CSMD1: variants seen among roughly 807,000 people sequenced by gnomAD.
CSMD1 encodes the protein CUB and sushi domain-containing protein 1.
Under a neutral mutation model 417.5 loss-of-function variants are expected in CSMD1, and 213 were observed. That is an observed-to-expected ratio of 0.51 (90% CI 0.46 to 0.57). CSMD1 has a LOEUF of 0.57. Ranked by LOEUF, CSMD1 falls within the 20% of genes least tolerant of loss-of-function variation. The pLI, the probability that CSMD1 is intolerant of heterozygous loss-of-function variation, is 0.00. For synonymous variants in CSMD1, 2,862 were observed against 1,736.8 expected, an observed-to-expected ratio of 1.65 and a Z score of -16.11; for missense variants, 6,923 against 4,529.7, an observed-to-expected ratio of 1.53 and a Z score of -15.17.
intron 18 of CSMD1, among the ~76,000 whole-genome samples, chr8:3,378,093 G>T (rs1028756717): frequency 2.6e-5 from 4 of 152,252 alleles, no homozygotes; most frequent in Middle Eastern, 3.4e-3. Context: ...ATTGAATATT[G>T]GATGTGTTTG....
At chr8:3,239,047 C>A (rs969799366) in intron 26 of CSMD1, among the ~76,000 whole-genome samples, 1 of 152,114 alleles carries the variant, frequency 6.6e-6, no homozygotes, top group South Asian at 2.1e-4. Flanking sequence ...AACATCTATA[C>A]AGGAGTTTAA....
chr8:4,872,504 G>A lies in CSMD1; in HGVS notation c.85+121828C>T, dbSNP rs957046823. 7.2e-5 allele frequency among the ~76,000 whole-genome samples: 11 copies of A among 151,948 alleles called. 1 individual carries two copies. The highest frequency in any genetic ancestry group is 2.4e-4 in the African/African-American group (10 of 41,294). On this transcript the variant is annotated intron_variant, in intron 1 of 69. Transcript: ENST00000635120. ...CTGCCGCCTTCTGAAGAAGGCACCT[G>A]GTTCCCTTTCACCTTCCACCATCAT...
At chr8:3,586,663 G>C (rs1006585224) in intron 8 of CSMD1, among the ~76,000 whole-genome samples, 1 of 152,086 alleles carries the variant, frequency 6.6e-6, no homozygotes, top group Admixed American at 6.5e-5. Context: ...AAAACAAGAA[G>C]TAAAAAAGTC....
At chr8:4,870,746 G>T (rs1189582486) in intron 1 of CSMD1, among the ~76,000 whole-genome samples, 1 of 152,152 alleles carries the variant, frequency 6.6e-6, no homozygotes, top group Non-Finnish European at 1.5e-5. Flanking sequence ...TTAACTATGT[G>T]AGCCTGCTCC....
intron 7 of CSMD1, among the ~76,000 whole-genome samples, chr8:3,703,174 A>G (rs1483712433): frequency 1.3e-5 from 2 of 152,228 alleles, no homozygotes; most frequent in African/African-American, 2.4e-5. Context: ...TTCTCATTCT[A>G]CACTTAATGT....
At chr8:3,046,357 T>C (rs116355647) in intron 50 of CSMD1, among the ~76,000 whole-genome samples, 1 of 152,198 alleles carries the variant, frequency 6.6e-6, no homozygotes, top group African/African-American at 2.4e-5. Context: ...GAGATACCTG[T>C]ACGCCTCCTC....
chr8:2,980,356 A>C (rs1313255869), intron 54 of CSMD1, among the ~76,000 whole-genome samples: 5 of 142,348 alleles, frequency 3.5e-5, no homozygotes, highest in East Asian at 2.1e-4. Context: ...TTCCTCCTCC[A>C]CCTCTGTGTC....
intron 1 of CSMD1, among the ~76,000 whole-genome samples, chr8:4,911,377 G>A (rs1434290855): frequency 6.6e-6 from 1 of 152,214 alleles, no homozygotes; most frequent in Non-Finnish European, 1.5e-5. Context: ...GGAAAAGTCT[G>A]TTGGTCTTTC....
At chr8:4,898,179 A>T (rs1414173773) in intron 1 of CSMD1, among the ~76,000 whole-genome samples, 1 of 152,170 alleles carries the variant, frequency 6.6e-6, no homozygotes, top group Non-Finnish European at 1.5e-5. Flanking sequence ...AGGAATGCCC[A>T]GCGTGCATTG....
intron 5 of CSMD1, among the ~76,000 whole-genome samples, chr8:3,848,927 C>CAT (rs893704200): frequency 1.3e-5 from 2 of 149,866 alleles, no homozygotes; most frequent in African/African-American, 4.9e-5. Flanking sequence ...ATACATATAT[C>CAT]ATATATATAT....
intron 5 of CSMD1, among the ~76,000 whole-genome samples, chr8:3,775,884 C>T (rs1211169778): frequency 1.3e-5 from 2 of 152,170 alleles, no homozygotes; most frequent in Non-Finnish European, 2.9e-5. Flanking sequence ...CTCTCCCTTG[C>T]GCCACATGTG....
intron 7 of CSMD1, among the ~76,000 whole-genome samples, chr8:3,688,063 T>G (rs1800038865): frequency 6.6e-6 from 1 of 152,274 alleles, no homozygotes; most frequent in Non-Finnish European, 1.5e-5. Context: ...ATCTGCTTTT[T>G]GTTCCTCAGG....
At chr8:3,128,797 G>C (rs1817642736) in intron 41 of CSMD1, 1 of 429,756 alleles carries the variant, frequency 2.3e-6, no homozygotes, top group African/African-American at 2.1e-5. Context: ...GTTGTTTCGA[G>C]TTTTTGTTTT....
At position 3,848,089 on chromosome 8, in the gene CSMD1, C is replaced by CTCTCTCTA. The variant is rs10679534; in HGVS notation, c.819-94048_819-94047insTAGAGAGA. On this transcript the variant is annotated intron_variant, in intron 5 of 69. Transcript: ENST00000635120. Reference sequence around the variant, plus strand: ...GATATTTCTCTCTCTCTCTCTCTCTCTAAATATATATACTTACTTAGTGCT... The same window carrying CTCTCTCTA: ...GATATTTCTCTCTCTCTCTCTCTCTCTCTCTCTATAAATATATATACTTACTTAGTGCT... Among the ~76,000 whole-genome samples the CTCTCTCTA allele has an allele frequency of 3.4e-3, 517 of 151,736 alleles. 16 individuals carry two copies. The East Asian group carries it at 0.074, about 22-fold the overall frequency.
At chr8:3,566,290 C>T (rs773956174) in intron 10 of CSMD1, among the ~76,000 whole-genome samples, 55 of 152,044 alleles carry the variant, frequency 3.6e-4, no homozygotes, top group Non-Finnish European at 5.9e-4. Flanking sequence ...AGGTGGAGGA[C>T]TTAGTATTTG....
At chr8:3,978,997 G>A (rs956231901) in intron 5 of CSMD1, among the ~76,000 whole-genome samples, 2 of 152,132 alleles carry the variant, frequency 1.3e-5, no homozygotes, top group East Asian at 3.9e-4. Flanking sequence ...TACAACAATT[G>A]GAAAATCAGA....
intron 1 of CSMD1, among the ~76,000 whole-genome samples, chr8:4,852,746 A>G (rs1801550554): frequency 6.6e-6 from 1 of 152,178 alleles, no homozygotes; most frequent in Non-Finnish European, 1.5e-5. Context: ...GGTTATAACC[A>G]AAATGCTGAT....
At chr8:4,511,990 AAG>A (rs1802846473) in intron 2 of CSMD1, among the ~76,000 whole-genome samples, 1 of 152,192 alleles carries the variant, frequency 6.6e-6, no homozygotes, top group Non-Finnish European at 1.5e-5. Context: ...ATTCCAAAAA[AAG>A]AAAACTGCAG....
chr8:3,994,335 T>C (rs1011065456), intron 5 of CSMD1, among the ~76,000 whole-genome samples: 5 of 151,458 alleles, frequency 3.3e-5, no homozygotes, highest in Non-Finnish European at 7.4e-5. Context: ...CCGTTAACCA[T>C]CATGTCTTAA....
Sources: allele counts gnomAD v4.1 joint callset (sites outside exome capture counted in the v4.1 genomes callset), GRCh38; gene constraint gnomAD v4.1.1; transcripts MANE v1.5; gene names NCBI Gene and HGNC (gene_info 2026-07-23, HGNC 2026-07-21).